The following PTAFR variants were observed in gnomAD, a reference collection of about 807,000 sequenced individuals.
PTAFR encodes platelet activating factor receptor, also known as platelet-activating factor receptor.
In PTAFR, 8 loss-of-function variants were observed where a neutral mutation model predicts 14.7. The ratio of observed to expected loss-of-function variants is 0.54; its 90% CI spans 0.32 to 0.98. The LOEUF is 0.98. Ranked by LOEUF, PTAFR falls within the 50% of genes least tolerant of loss-of-function variation. The pLI is 0.04. For missense variants in PTAFR, 337 were observed against 451.2 expected (o/e 0.75, Z 2.29); for synonymous variants, 156 against 176.5 (o/e 0.88, Z 0.92).
rs544129868 is a variant in PTAFR, at chr1:28,165,656, G to A, written c.-39+10936C>T. Among the ~76,000 whole-genome samples the A allele has an allele frequency of 5.3e-5, 8 of 151,726 alleles. No homozygotes were observed. The South Asian group carries it at 6.2e-4, about 12-fold the overall frequency. On this transcript the variant is annotated intron_variant, in intron 1 of 1. Coordinates refer to ENST00000373857, the MANE Select transcript of PTAFR (RefSeq NM_000952.5). ...AAATTAGCCAGGCGTGGTGGCAGGC[G>A]CCTGTAGTCCCAGCTACTCGGGAGG...
rs766761959 is a variant in PTAFR at position 28,150,268 on chromosome 1, G to A, written c.754C>T (p.Gln252Ter). The change falls in exon 2 of 2, where the codon CAG (glutamine) becomes TAG (stop). Residue 252 changes from glutamine to a stop codon, truncating the protein, a stop_gained. Transcript: ENST00000373857. LOFTEE classifies it high-confidence loss of function. This position sits in a 1 kb window ranked among gnomAD's most constrained non-coding sequence, Gnocchi z 6.3. ...IICFVPHHVV[Q>*]LPWTLAELGF... ...AGCTCAGCAAGGGTCCAGGGCAGCT[G>A]CACCACGTGGTGGGGCACGAAGCAG... The A allele has an allele frequency of 8.7e-6, 14 of 1,612,344 alleles. No homozygotes were observed. The highest frequency in any genetic ancestry group is 1.2e-5 in the Non-Finnish European group (14 of 1,178,664).
intron 1 of PTAFR, among the ~76,000 whole-genome samples, chr1:28,166,215 G>A (rs144544380): frequency 2.8e-4 from 42 of 152,308 alleles, no homozygotes; most frequent in Middle Eastern, 3.4e-3. Context: ...GGAAAGAATA[G>A]TCCCTTCAAC....
At chr1:28,178,842 G>A (rs372527093), upstream of PTAFR, among the ~76,000 whole-genome samples, 3 of 151,796 alleles carry the variant, frequency 2.0e-5, no homozygotes, top group African/African-American at 7.3e-5. Context: ...CCACACTCAC[G>A]CACCGCACAC....
Position 28,150,738 on chromosome 1 carries a change from C to T in PTAFR, c.284G>A (p.Cys95Tyr), listed in dbSNP as rs775175966. The stretch of plus-strand genomic sequence containing the variant: ...GCAGTAGGTGTTGATGAAGAAAAGG[C>T]AGCCAGCCACGTTGCACAGGAATTT... ...LPKFLCNVAG[C>Y]LFFINTYCSV... is the part of the protein sequence containing the mutation. The change falls in exon 2 of 2, where the codon TGC (cysteine) becomes TAC (tyrosine). Residue 95 changes from cysteine to tyrosine, a missense_variant. Coordinates refer to ENST00000373857, the MANE Select transcript of PTAFR (RefSeq NM_000952.5). This position sits in a 1 kb window ranked among gnomAD's most constrained non-coding sequence, Gnocchi z 6.3. 1.2e-6 allele frequency: 2 copies of T among 1,614,164 alleles called. No homozygotes were observed. Among genetic ancestry groups the T allele is most frequent in the East Asian group, 2.2e-5 (1 of 44,874 alleles).
At chr1:28,191,902 C>CA (rs1034263065) in intron 1 of PTAFR, among the ~76,000 whole-genome samples, 1 of 151,682 alleles carries the variant, frequency 6.6e-6, no homozygotes, top group Admixed American at 6.6e-5. Flanking sequence ...CCTGTCTCTA[C>CA]AAAAAAATAT....
chr1:28,192,271 T>G (rs1261713919), intron 1 of PTAFR, among the ~76,000 whole-genome samples: 1 of 151,876 alleles, frequency 6.6e-6, no homozygotes, highest in Non-Finnish European at 1.5e-5. Flanking sequence ...CATAAGATAA[T>G]ACTTGTGGCC....
intron 1 of PTAFR, among the ~76,000 whole-genome samples, chr1:28,171,065 G>A (rs965205692): frequency 2.0e-5 from 3 of 152,162 alleles, no homozygotes; most frequent in South Asian, 2.1e-4. Flanking sequence ...GCTCACACCT[G>A]TAATCCCAGC....
intron 1 of PTAFR, among the ~76,000 whole-genome samples, chr1:28,166,289 C>T (rs775854537): frequency 6.6e-6 from 1 of 152,132 alleles, no homozygotes; most frequent in Non-Finnish European, 1.5e-5. Flanking sequence ...TTATCTTACA[C>T]CATATATTAT....
In PTAFR at chr1:28,150,596, C is replaced by T. The variant is rs1646172845; in HGVS notation, c.426G>A (p.Trp142Ter). 6.2e-7 allele frequency: 1 copy of T among 1,614,130 alleles called. No individual in the cohort carries two copies. The highest frequency in any genetic ancestry group is 8.5e-7 in the Non-Finnish European group (1 of 1,180,042). ...AGGATGCAGCTCCCACAATGGCCAC[C>T]CAGATGACCAAGGACAAAGAGATGC... The part of the protein sequence containing the change: ...KRGISLSLVI[W>*]VAIVGAASYF... The change falls in exon 2 of 2, where the codon TGG (tryptophan) becomes TGA (stop). Residue 142 changes from tryptophan (W) to a stop codon, truncating the protein, a stop_gained. Coordinates refer to ENST00000373857, the MANE Select transcript of PTAFR (RefSeq NM_000952.5). LOFTEE classifies it high-confidence loss of function. The surrounding 1 kb of genome is among the most constrained non-coding windows in gnomAD (Gnocchi z 6.3).
At chr1:28,171,556 G>T (rs888709399) in intron 1 of PTAFR, among the ~76,000 whole-genome samples, 1 of 152,090 alleles carries the variant, frequency 6.6e-6, no homozygotes, top group Non-Finnish European at 1.5e-5. Flanking sequence ...TTTGAGCGAC[G>T]AATTAAGGGA....
intron 1 of PTAFR, among the ~76,000 whole-genome samples, chr1:28,155,868 A>G (rs1317193996): frequency 6.6e-6 from 1 of 152,086 alleles, no homozygotes; most frequent in African/African-American, 2.4e-5. Flanking sequence ...ACCCTGTCTC[A>G]AAAAGTAAAA....
intron 1 of PTAFR, among the ~76,000 whole-genome samples, chr1:28,188,723 T>G (rs2149009105): frequency 6.6e-6 from 1 of 151,506 alleles, no homozygotes; most frequent in South Asian, 2.1e-4. Context: ...AGAGTGAAAC[T>G]CCATCTAAAA....
chr1:28,158,634 GT>G (rs1396658556), intron 1 of PTAFR, among the ~76,000 whole-genome samples: 2 of 152,066 alleles, frequency 1.3e-5, no homozygotes, highest in Admixed American at 6.6e-5. Context: ...GTAGGTGGAG[GT>G]TGCAGTGAGC....
chr1:28,152,174 G>C (rs1254286815), intron 1 of PTAFR, among the ~76,000 whole-genome samples: 2 of 152,116 alleles, frequency 1.3e-5, no homozygotes, highest in East Asian at 3.9e-4. Context: ...TGGGATTACA[G>C]GCGAGAGCCA....
chr1:28,168,089 GCTGGGA>G (rs1557691904), intron 1 of PTAFR, among the ~76,000 whole-genome samples: 3 of 149,670 alleles, frequency 2.0e-5, no homozygotes, highest in Admixed American at 6.7e-5. Flanking sequence ...CTCCCGAGTA[GCTGGGA>G]CTACAGGTGC....
At chr1:28,186,809 T>C (rs1342539675) in intron 1 of PTAFR, among the ~76,000 whole-genome samples, 1 of 151,524 alleles carries the variant, frequency 6.6e-6, no homozygotes, top group Non-Finnish European at 1.5e-5. Flanking sequence ...CCTGTAATCC[T>C]TGCTTCTGCA....
intron 1 of PTAFR, among the ~76,000 whole-genome samples, chr1:28,166,477 G>C (rs926633510): frequency 3.9e-5 from 6 of 152,104 alleles, no homozygotes; most frequent in African/African-American, 1.4e-4. Context: ...TTGAAGACCA[G>C]CCTGGCCAAC....
At chr1:28,173,210 A>G (rs1288652317) in intron 1 of PTAFR, among the ~76,000 whole-genome samples, 3 of 145,850 alleles carry the variant, frequency 2.1e-5, no homozygotes, top group East Asian at 2.0e-4. Flanking sequence ...ATAGCTTGAG[A>G]CCAGGAGTTC....
Position 28,149,857 on chromosome 1 carries a change from G to A in PTAFR, c.*136C>T. 8.3e-7 allele frequency: 1 copy of A among 1,206,062 alleles called. No individual in the cohort carries two copies. The allele number at this position is 1,206,062 out of a possible 1,614,324, so 74.7% of individuals were successfully genotyped here. On this transcript the variant is annotated 3_prime_UTR_variant, in exon 2 of 2. Transcript: ENST00000373857. ...CTGGCTCTGCCATCATCCCTGCCCA[G>A]GTGAGGTAGCCTCCAAATCTAATGG...
Sources: allele counts gnomAD v4.1 joint callset (sites outside exome capture counted in the v4.1 genomes callset), GRCh38; gene constraint gnomAD v4.1.1; non-coding constraint Gnocchi (gnomAD v3.1); transcripts MANE v1.5; gene names NCBI Gene and HGNC (gene_info 2026-07-23, HGNC 2026-07-21).